AFF2: variants seen among roughly 807,000 people sequenced by gnomAD.
AFF2 encodes ALF transcription elongation factor 2.
A neutral mutation model predicts 76.9 loss-of-function variants in AFF2; 14 were observed. That is an observed-to-expected ratio of 0.18 (90% confidence interval 0.12 to 0.28). The LOEUF (loss-of-function observed/expected upper bound fraction) is 0.28. Ranked by LOEUF, AFF2 falls within the 10% of genes least tolerant of loss-of-function variation. AFF2 has a pLI of 1.00. For missense variants in AFF2, 868 were observed against 1,001.1 expected (o/e 0.87, Z 1.79); for synonymous variants, 398 against 366.7 (o/e 1.09, Z -0.98).
intron 7 of AFF2, among the ~76,000 whole-genome samples, chrX:148,869,561 C>A (rs1196305321): frequency 9.0e-6 from 1 of 111,607 alleles, no homozygotes; most frequent in African/African-American, 3.3e-5. Flanking sequence ...GCCAGGAGCT[C>A]AAAAGAGCGT....
At chrX:148,863,251 T>C (rs782478737) in intron 7 of AFF2, among the ~76,000 whole-genome samples, 2 of 111,861 alleles carry the variant, frequency 1.8e-5, no homozygotes, top group South Asian at 7.4e-4. Context: ...CTGGGTAGGG[T>C]TAAATTTAGA....
intron 3 of AFF2, among the ~76,000 whole-genome samples, chrX:148,685,708 A>G (rs782171162): frequency 6.3e-5 from 7 of 111,104 alleles, no homozygotes; most frequent in Non-Finnish European, 1.1e-4. Flanking sequence ...TCAGAATCTA[A>G]TGTTCAGAAT....
intron 1 of AFF2, among the ~76,000 whole-genome samples, chrX:148,591,155 G>A (rs1292068250): frequency 8.9e-6 from 1 of 112,179 alleles, no homozygotes; most frequent in Non-Finnish European, 1.9e-5. Context: ...GCTGTCATTG[G>A]TAGTATCATC....
chrX:148,521,373 T>TACACACACACACACACAC (rs1569550690), intron 1 of AFF2, among the ~76,000 whole-genome samples: 2 of 56,078 alleles, frequency 3.6e-5, no homozygotes, highest in African/African-American at 1.7e-4. Flanking sequence ...AGCACGTGCA[T>TACACACACACACACACAC]GCACACACAC....
intron 7 of AFF2, among the ~76,000 whole-genome samples, chrX:148,858,636 C>A (rs1468984150): frequency 1.8e-5 from 2 of 111,014 alleles, no homozygotes; most frequent in East Asian, 5.7e-4. Flanking sequence ...GTACAACATA[C>A]AAATATCAAT....
chrX:148,579,251 G>A (rs141047563), intron 1 of AFF2, among the ~76,000 whole-genome samples: 408 of 111,905 alleles, frequency 3.6e-3, no homozygotes, highest in Non-Finnish European at 4.9e-3. Flanking sequence ...GAAAACCCAC[G>A]TATGTCTGTA....
At chrX:148,915,843 A>G (rs986000295) in intron 9 of AFF2, among the ~76,000 whole-genome samples, 2 of 112,525 alleles carry the variant, frequency 1.8e-5, no homozygotes, top group Non-Finnish European at 3.7e-5. Context: ...CACATTGTAC[A>G]CTCACATATA....
chrX:148,845,794 G>A (rs782761437), intron 7 of AFF2, among the ~76,000 whole-genome samples: 1 of 111,395 alleles, frequency 9.0e-6, no homozygotes, highest in South Asian at 3.8e-4. Flanking sequence ...GAAGCAGCCC[G>A]TAAGTCAGCC....
chrX:148,824,022 G>T (rs2070357487), intron 4 of AFF2, among the ~76,000 whole-genome samples: 1 of 107,098 alleles, frequency 9.3e-6, no homozygotes, highest in African/African-American at 3.5e-5. Context: ...GGAGAGAAAT[G>T]GTACTATAAA....
Position 148,500,959 on chromosome X carries a change from G to T in AFF2, c.-139G>T, listed in dbSNP as rs2052340398. 2 of 762,695 alleles carry T rather than the reference G, an allele frequency of 2.6e-6. No individual in the cohort carries two copies. Among genetic ancestry groups the T allele is most frequent in the Non-Finnish European group, 3.6e-6 (2 of 553,247 alleles). The allele number at this position is 762,695 out of a possible 1,213,427, so 62.9% of individuals were successfully genotyped here. A position where few individuals can be genotyped will look rare whatever the true frequency, so the allele number is the denominator to read the frequency against. On this transcript the variant is annotated 5_prime_UTR_variant, in exon 1 of 21. An upstream start codon of the reference 5' UTR is lost. Coordinates refer to ENST00000370460, the MANE Select transcript of AFF2 (RefSeq NM_002025.4). ...TCCAGCGCCCGCTGCTGCTGCCGAT[G>T]CGGCCCGGACACTTTTAGCTGGGCG...
chrX:148,798,603 A>G (rs553351662), intron 3 of AFF2, among the ~76,000 whole-genome samples: 1 of 112,271 alleles, frequency 8.9e-6, no homozygotes, highest in African/African-American at 3.2e-5. Context: ...TTTATCAGTA[A>G]TGTGTTGTGC....
At position 148,888,835 on chromosome X, in the gene AFF2, T is replaced by A. The variant is rs782009056; in HGVS notation, c.1359+2850T>A. On this transcript the variant is annotated intron_variant, in intron 8 of 20. Transcript: ENST00000370460. ...AAGAATTGCGGAGTCATTCCATTTG[T>A]GGCAGAATGATTGGGGAGAAAGCAT... Among the ~76,000 whole-genome samples, 5 of 111,637 alleles carry A rather than the reference T, an allele frequency of 4.5e-5. No individual in the cohort carries two copies. The East Asian group carries it at 1.4e-3, about 32-fold the overall frequency.
At chrX:148,849,673 T>G (rs929377364) in intron 7 of AFF2, among the ~76,000 whole-genome samples, 3 of 111,403 alleles carry the variant, frequency 2.7e-5, no homozygotes, top group Non-Finnish European at 5.6e-5. Context: ...CATGCACTTT[T>G]TCTCCTTACA....
intron 13 of AFF2, 101 bp downstream of exon 13, chrX:148,963,038 G>GA: frequency 1.7e-6 from 1 of 572,241 alleles, no homozygotes; most frequent in East Asian, 3.6e-5. Flanking sequence ...AAGGGAGGAA[G>GA]ATGCAGAGAA....
chrX:148,944,968 T>A (rs190623848), intron 9 of AFF2, among the ~76,000 whole-genome samples: 1 of 111,746 alleles, frequency 8.9e-6, no homozygotes, highest in Non-Finnish European at 1.9e-5. Flanking sequence ...AGTATCTAAT[T>A]TATCGTGTTG....
At chrX:148,831,270 G>A (rs1188763949) in intron 4 of AFF2, among the ~76,000 whole-genome samples, 2 of 111,904 alleles carry the variant, frequency 1.8e-5, no homozygotes, top group South Asian at 3.7e-4. Context: ...CTCAGCTTAC[G>A]AAGATGACAG....
rs782347792 is a variant in AFF2 at position 148,801,764 on chromosome X, A to G, written c.1042-8112A>G. 4.5e-5 allele frequency among the ~76,000 whole-genome samples: 5 copies of G among 111,766 alleles called. No individual in the cohort carries two copies. The East Asian group carries it at 1.4e-3, about 32-fold the overall frequency. On this transcript the variant is annotated intron_variant, in intron 3 of 20. Transcript: ENST00000370460. ...TCATCCCTCTTATAAAAACAAAACC[A>G]AACAAAAACCTTGACTCCACATCAC...
intron 4 of AFF2, among the ~76,000 whole-genome samples, chrX:148,830,543 T>A (rs1279987163): frequency 9.0e-6 from 1 of 111,296 alleles, no homozygotes; most frequent in Non-Finnish European, 1.9e-5. Flanking sequence ...AAGAGAGAAG[T>A]TTTTAAAGCT....
chrX:148,952,160 T>C lies in AFF2; in HGVS notation c.1398-1420T>C, dbSNP rs1478623448. On this transcript the variant is annotated intron_variant, in intron 9 of 20. Coordinates refer to ENST00000370460, the MANE Select transcript of AFF2 (RefSeq NM_002025.4). ...AGCTCAGTGAGTGAGAGTTGTAATG[T>C]TGGAGAAGAGGCTCTAGTGAGGGCA... Among the ~76,000 whole-genome samples, 6 of 111,457 alleles carry C rather than the reference T, an allele frequency of 5.4e-5. No homozygotes were observed. The Admixed American group carries it at 5.7e-4, about 11-fold the overall frequency.
Sources: allele counts gnomAD v4.1 joint callset (sites outside exome capture counted in the v4.1 genomes callset), GRCh38; gene constraint gnomAD v4.1.1; transcripts MANE v1.5; gene names NCBI Gene and HGNC (gene_info 2026-07-23, HGNC 2026-07-21).